Variants in ADD2 observed in about 807,000 individuals in gnomAD.
ADD2 encodes the protein beta-adducin.
In ADD2, 23 loss-of-function variants were observed where a neutral mutation model predicts 83.0. The ratio of observed to expected loss-of-function variants is 0.28; its 90% CI spans 0.20 to 0.39. The LOEUF is 0.39. ADD2 is among the 10% of genes least tolerant of loss of function. ADD2 has a pLI of 1.00. For missense variants in ADD2, 758 were observed against 944.9 expected (o/e 0.80, Z 2.59); for synonymous variants, 375 against 375.4 (o/e 1.00, Z 0.01).
intron 10 of ADD2, among the ~76,000 whole-genome samples, chr2:70,682,405 T>A (rs1553369723): frequency 6.6e-6 from 1 of 152,192 alleles, no homozygotes; most frequent in African/African-American, 2.4e-5. Context: ...ATTTTCACTG[T>A]GGATTGTACC....
At chr2:70,743,629 T>G (rs951907025) in intron 1 of ADD2, among the ~76,000 whole-genome samples, 13 of 152,210 alleles carry the variant, frequency 8.5e-5, no homozygotes, top group Admixed American at 2.6e-4. Context: ...CAGGTCTATT[T>G]AAAAATAAAT....
intron 14 of ADD2, 95 bp from the exon 15 acceptor site, chr2:70,673,101 G>A (rs934860636): frequency 3.1e-5 from 48 of 1,539,974 alleles, no homozygotes; most frequent in Non-Finnish European, 4.0e-5. Context: ...TTTCTATTTG[G>A]TCATCAATCC....
In ADD2 at chr2:70,695,091, C is replaced by T. The variant is rs113335708; in HGVS notation, c.555+630G>A. ...GAGCCTGGACTTTTGAGTGAGTAGC[C>T]GCGCTCTACACCTGAGCATGTCTCA... On this transcript the variant is annotated intron_variant, in intron 6 of 15. Coordinates refer to ENST00000264436, the MANE Select transcript of ADD2 (RefSeq NM_001617.4). 3.3e-5 allele frequency among the ~76,000 whole-genome samples: 5 copies of T among 152,178 alleles called. 1 individual carries two copies. The highest frequency in any genetic ancestry group is 1.2e-4 in the African/African-American group (5 of 41,526).
intron 8 of ADD2, among the ~76,000 whole-genome samples, chr2:70,689,082 C>T (rs1670892269): frequency 6.7e-6 from 1 of 148,532 alleles, no homozygotes; most frequent in African/African-American, 2.5e-5. Flanking sequence ...GGTGACAGAG[C>T]AAGACTCCGT....
chr2:70,757,441 AAG>A (rs1674852879), intron 1 of ADD2, among the ~76,000 whole-genome samples: 1 of 152,214 alleles, frequency 6.6e-6, no homozygotes, highest in Non-Finnish European at 1.5e-5. Context: ...TTTATGAAAT[AAG>A]AGAGAGGAAG....
chr2:70,723,466 A>G (rs1225911252), intron 1 of ADD2, among the ~76,000 whole-genome samples: 2 of 152,082 alleles, frequency 1.3e-5, no homozygotes, highest in Admixed American at 6.6e-5. Flanking sequence ...GCTCCATCAA[A>G]TGTTCTCAAG....
intron 1 of ADD2, among the ~76,000 whole-genome samples, chr2:70,742,443 A>C (rs549651707): frequency 6.6e-6 from 1 of 152,296 alleles, no homozygotes; most frequent in South Asian, 2.1e-4. Context: ...TTTAATATTT[A>C]TACATATTAT....
rs536607947 is a variant in ADD2, at chr2:70,746,412, G to A, written c.-154+21474C>T. Among the ~76,000 whole-genome samples, 3 of 152,316 alleles carry A rather than the reference G, an allele frequency of 2.0e-5. No homozygotes were observed. In the South Asian group the frequency reaches 6.2e-4, roughly 32 times the overall value. On this transcript the variant is annotated intron_variant, in intron 1 of 15. Coordinates refer to ENST00000264436, the MANE Select transcript of ADD2 (RefSeq NM_001617.4). ...AAAAGCATCAGCAGTAGTACAGCTT[G>A]CAGCTGCTAATACTTATGGAACATT...
chr2:70,683,022 CTT>C (rs35087942), intron 10 of ADD2, among the ~76,000 whole-genome samples: 9 of 124,496 alleles, frequency 7.2e-5, no homozygotes, highest in Admixed American at 8.6e-5. Flanking sequence ...GGAGTATGAC[CTT>C]TTTTTTTTTT....
At chr2:70,685,512 C>G (rs1182923920) in intron 9 of ADD2, among the ~76,000 whole-genome samples, 1 of 152,208 alleles carries the variant, frequency 6.6e-6, no homozygotes, top group Non-Finnish European at 1.5e-5. Flanking sequence ...AGGGCACAGA[C>G]CTGGGCACCA....
At position 70,692,397 on chromosome 2, in the gene ADD2, A is replaced by T; in HGVS notation, c.705+6T>A. 1 of 1,541,124 alleles carries T rather than the reference A, an allele frequency of 6.5e-7. No individual in the cohort carries two copies. Among genetic ancestry groups the T allele is most frequent in the Non-Finnish European group, 8.8e-7 (1 of 1,142,132 alleles). Reference sequence around the variant, plus strand: ...TCCTTGGGTGGCTGAGAAGGAGTCCACTCACCGCTGCTGTGGCCGGTGTGT... The same window carrying T: ...TCCTTGGGTGGCTGAGAAGGAGTCCTCTCACCGCTGCTGTGGCCGGTGTGT... On this transcript the variant is annotated splice_donor_region_variant and intron_variant, in intron 7 of 15. Transcript: ENST00000264436.
At position 70,663,437 on chromosome 2, in the gene ADD2, TTTCTCC is replaced by T; in HGVS notation, c.2163_2168del (p.Glu722_Lys723del). The stretch of plus-strand genomic sequence containing the variant: ...AGGGTGTCATGAATCAGGACTCCAC[TTTCTCC>T]TTCTTTTTGCTCTTTTTCAGGAAGG... On this transcript the variant is annotated inframe_deletion, in exon 16 of 16. Transcript: ENST00000264436. 1 of 1,613,254 alleles carries T rather than the reference TTTCTCC, an allele frequency of 6.2e-7. No homozygotes were observed. The highest frequency in any genetic ancestry group is 8.5e-7 in the Non-Finnish European group (1 of 1,179,732).
chr2:70,766,312 G>A (rs1314344038), intron 1 of ADD2, among the ~76,000 whole-genome samples: 10 of 152,188 alleles, frequency 6.6e-5, no homozygotes, highest in Non-Finnish European at 1.0e-4. Flanking sequence ...GAGGAGTAGG[G>A]AAGAAAGGCT....
At position 70,706,210 on chromosome 2, in the gene ADD2, G is replaced by A; in HGVS notation, c.183+16C>T. On this transcript the variant is annotated intron_variant, in intron 3 of 15. Coordinates refer to ENST00000264436, the MANE Select transcript of ADD2 (RefSeq NM_001617.4). The surrounding 1 kb of genome is among the most constrained non-coding windows in gnomAD (Gnocchi z 5.0). ...CGCCCCCTGCGCCCTCTCCCGCCCG[G>A]GTCAGCCCCACTCACGGGACTCTGC... 1 of 1,609,874 alleles carries A rather than the reference G, an allele frequency of 6.2e-7. No individual in the cohort carries two copies. The highest frequency in any genetic ancestry group is 2.2e-5 in the East Asian group (1 of 44,814).
chr2:70,683,128 C>T (rs1040368225), intron 10 of ADD2, among the ~76,000 whole-genome samples: 6 of 151,624 alleles, frequency 4.0e-5, no homozygotes, highest in Admixed American at 6.6e-5. Context: ...TTCAATTCTC[C>T]TGCCTCAGCC....
Position 70,706,322 on chromosome 2 carries a change from G to A in ADD2, c.87C>T (p.Pro29=), listed in dbSNP as rs782198860. Residue 29 remains proline (P), a synonymous_variant, in exon 3 of 16, where the codon CCC becomes CCT. Transcript: ENST00000264436. The surrounding 1 kb of genome is among the most constrained non-coding windows in gnomAD (Gnocchi z 5.0). The part of the protein sequence containing the change: ...PYFDRFSEDD[P]EYMRLRNRAA... ...CCCGGTTGCGAAGGCGCATGTACTC[G>A]GGGTCGTCCTCTGAGAAGCGGTCAA... The A allele has an allele frequency of 8.1e-6, 13 of 1,613,916 alleles. No homozygotes were observed. The Admixed American group carries it at 1.0e-4, about 12-fold the overall frequency.
In ADD2 at chr2:70,760,031, G is replaced by C. The variant is rs370113518; in HGVS notation, c.-154+7855C>G. On this transcript the variant is annotated intron_variant, in intron 1 of 15. Coordinates refer to ENST00000264436, the MANE Select transcript of ADD2 (RefSeq NM_001617.4). ...GCCCCTTGTTGATACTCATGGGCTGGGTGATATTGGCTGGCACCATCTGTA... is the reference window on the plus strand; with the variant it reads ...GCCCCTTGTTGATACTCATGGGCTGCGTGATATTGGCTGGCACCATCTGTA... Among the ~76,000 whole-genome samples, 7 of 152,132 alleles carry C rather than the reference G, an allele frequency of 4.6e-5. No homozygotes were observed. In the East Asian group the frequency reaches 7.7e-4, roughly 17 times the overall value.
In ADD2 at chr2:70,695,805, G is replaced by T. The variant is rs781926909; in HGVS notation, c.475-4C>A. On this transcript the variant is annotated splice_region_variant and splice_polypyrimidine_tract_variant and intron_variant, in intron 5 of 15. Transcript: ENST00000264436. ...CCTGCTCCTTGCTGACTCTCAACTGGAGGAAAGACACAAGTTCTCAGGGGC... is the reference window on the plus strand; with the variant it reads ...CCTGCTCCTTGCTGACTCTCAACTGTAGGAAAGACACAAGTTCTCAGGGGC... The T allele has an allele frequency of 1.2e-6, 2 of 1,613,868 alleles. No individual in the cohort carries two copies. Among genetic ancestry groups the T allele is most frequent in the Non-Finnish European group, 1.7e-6 (2 of 1,179,894 alleles).
At chr2:70,689,140 G>A (rs183774494) in intron 8 of ADD2, among the ~76,000 whole-genome samples, 2 of 152,252 alleles carry the variant, frequency 1.3e-5, no homozygotes, top group East Asian at 1.9e-4. Flanking sequence ...ATTAGGGGAA[G>A]CATCTGAACT....
Sources: allele counts gnomAD v4.1 joint callset (sites outside exome capture counted in the v4.1 genomes callset), GRCh38; gene constraint gnomAD v4.1.1; non-coding constraint Gnocchi (gnomAD v3.1); transcripts MANE v1.5; gene names NCBI Gene and HGNC (gene_info 2026-07-23, HGNC 2026-07-21).